Variants in LMO7 observed in about 807,000 individuals in gnomAD.
LMO7 encodes the protein LIM domain only protein 7.
A neutral mutation model predicts 206.5 loss-of-function variants in LMO7; 120 were observed. The ratio of observed to expected loss-of-function variants is 0.58; its 90% CI spans 0.50 to 0.68. LMO7 has a LOEUF of 0.68. LMO7 is among the 30% of genes least tolerant of loss of function. The pLI is 0.00. For missense variants in LMO7, 1,959 were observed against 1,957.9 expected, an observed-to-expected ratio of 1.00 and a Z score of -0.01; for synonymous variants, 706 against 681.5, an observed-to-expected ratio of 1.04 and a Z score of -0.56.
intron 3 of LMO7, among the ~76,000 whole-genome samples, chr13:75,746,436 C>A (rs894287242): frequency 6.6e-6 from 1 of 152,146 alleles, no homozygotes; most frequent in Non-Finnish European, 1.5e-5. Flanking sequence ...GATCAACGGG[C>A]GTGTCCCCAT....
At chr13:75,797,442 G>C (rs539858859) in intron 6 of LMO7, among the ~76,000 whole-genome samples, 1 of 152,166 alleles carries the variant, frequency 6.6e-6, no homozygotes, top group African/African-American at 2.4e-5. Context: ...TGGGAAAAAC[G>C]AATTTCTCTG....
intron 7 of LMO7, among the ~76,000 whole-genome samples, chr13:75,801,605 A>C (rs2054738357): frequency 6.6e-6 from 1 of 152,206 alleles, no homozygotes; most frequent in African/African-American, 2.4e-5. Flanking sequence ...TCCTGTGGCT[A>C]CTGGGTATAG....
rs769016460 is a variant in LMO7, at chr13:75,727,082, C to T, written c.194C>T (p.Thr65Ile). Residue 65 changes from threonine (T) to isoleucine (I), a missense_variant, in exon 3 of 31, where the codon ACA becomes ATA. Coordinates refer to ENST00000377534, the MANE Select transcript of LMO7 (RefSeq NM_001306080.2). Reference protein sequence around the residue: ...GVIKKINRLSTPIAGLDNINV... With the variant: ...GVIKKINRLSIPIAGLDNINV... ...ATTAAGAAGATCAATAGACTGTCTA[C>T]ACCAATAGCAGGATTGGTAAGTAGT... 2 of 1,581,908 alleles carry T rather than the reference C, an allele frequency of 1.3e-6. No homozygotes were observed. Among genetic ancestry groups the T allele is most frequent in the Admixed American group, 1.7e-5 (1 of 59,430 alleles).
chr13:75,802,362 C>A (rs1164674297), intron 7 of LMO7, among the ~76,000 whole-genome samples: 1 of 152,184 alleles, frequency 6.6e-6, no homozygotes, highest in Non-Finnish European at 1.5e-5. Context: ...GGAAATGAAT[C>A]TGAGTATGTG....
At chr13:75,728,465 G>A in intron 3 of LMO7, among the ~76,000 whole-genome samples, 1 of 113,878 alleles carries the variant, frequency 8.8e-6, no homozygotes, top group African/African-American at 4.5e-5. Flanking sequence ...ACTTTTTGAT[G>A]GGGTTGTTTG....
chr13:75,726,577 A>T (rs1594551970), intron 2 of LMO7, among the ~76,000 whole-genome samples: 1 of 152,166 alleles, frequency 6.6e-6, no homozygotes, highest in East Asian at 1.9e-4. Context: ...TCACCTTTTA[A>T]ATGTGGCAAA....
chr13:75,800,626 G>T, intron 6 of LMO7, 58 bp from the exon 7 acceptor site: 1 of 1,482,190 alleles, frequency 6.7e-7, no homozygotes, highest in South Asian at 1.2e-5. Flanking sequence ...ATAACCGATT[G>T]ATTATATTTT....
At chr13:75,708,611 C>T (rs995552710) in intron 1 of LMO7, among the ~76,000 whole-genome samples, 1 of 151,914 alleles carries the variant, frequency 6.6e-6, no homozygotes, top group Non-Finnish European at 1.5e-5. Context: ...CATGTTACAA[C>T]GTTTTCTATA....
At chr13:75,842,373 G>A (rs919081638) in intron 24 of LMO7, among the ~76,000 whole-genome samples, 2 of 152,062 alleles carry the variant, frequency 1.3e-5, no homozygotes, top group Admixed American at 1.3e-4. Flanking sequence ...TCAAATGTTT[G>A]TGTGTCTTGT....
In LMO7 at chr13:75,660,174, A is replaced by G. The variant is rs146484175; in HGVS notation, c.69+23448A>G. Among the ~76,000 whole-genome samples, 76 of 152,336 alleles carry G rather than the reference A, an allele frequency of 5.0e-4. No individual in the cohort carries two copies. The East Asian group carries it at 0.013, about 26-fold the overall frequency. ...TCTAGACGATGTAGGGGCTAGGGAA[A>G]TAGCAGCAATCAAATAGAGAAAAGT... On this transcript the variant is annotated intron_variant, in intron 1 of 30. Coordinates refer to ENST00000377534, the MANE Select transcript of LMO7 (RefSeq NM_001306080.2).
chr13:75,711,379 A>G (rs892749976), intron 1 of LMO7, among the ~76,000 whole-genome samples: 2 of 152,146 alleles, frequency 1.3e-5, no homozygotes, highest in African/African-American at 4.8e-5. Context: ...GAATGGTACC[A>G]GCTCCTCCTT....
intron 3 of LMO7, among the ~76,000 whole-genome samples, chr13:75,751,532 C>T (rs759853858): frequency 3.5e-4 from 54 of 152,126 alleles, no homozygotes; most frequent in Non-Finnish European, 6.2e-4. Context: ...CCAAAGTAAT[C>T]ATGACAAGAG....
intron 1 of LMO7, among the ~76,000 whole-genome samples, chr13:75,648,925 G>C (rs184205491): frequency 3.5e-4 from 53 of 152,322 alleles, no homozygotes; most frequent in African/African-American, 1.1e-3. Flanking sequence ...AGACATGGTG[G>C]ACAGCAAAGC....
At chr13:75,732,343 T>G (rs1213286373) in intron 3 of LMO7, among the ~76,000 whole-genome samples, 9 of 140,134 alleles carry the variant, frequency 6.4e-5, no homozygotes, top group African/African-American at 2.2e-4. Flanking sequence ...CTTTTTTCTC[T>G]AAACTTCCCT....
intron 2 of LMO7, among the ~76,000 whole-genome samples, chr13:75,726,580 G>T (rs1392437972): frequency 1.3e-5 from 2 of 152,004 alleles, no homozygotes; most frequent in African/African-American, 4.8e-5. Context: ...CCTTTTAAAT[G>T]TGGCAAAATA....
At chr13:75,838,275 T>C in intron 20 of LMO7, 79 bp downstream of exon 20, 1 of 1,515,914 alleles carries the variant, frequency 6.6e-7, no homozygotes, top group Admixed American at 1.7e-5. Context: ...TCTGTGGTGC[T>C]GGGCACTGAG....
intron 4 of LMO7, among the ~76,000 whole-genome samples, chr13:75,766,750 A>C (rs960959010): frequency 6.6e-6 from 1 of 152,096 alleles, no homozygotes; most frequent in Non-Finnish European, 1.5e-5. Context: ...GCTTTTCTAG[A>C]GACTTGAAAC....
intron 3 of LMO7, among the ~76,000 whole-genome samples, chr13:75,752,564 C>A (rs75048792): frequency 6.6e-6 from 1 of 152,176 alleles, no homozygotes; most frequent in African/African-American, 2.4e-5. Flanking sequence ...ATCCACCAAG[C>A]GGCCTCCCAT....
At chr13:75,671,594 A>G (rs1030516946) in intron 1 of LMO7, among the ~76,000 whole-genome samples, 2 of 152,164 alleles carry the variant, frequency 1.3e-5, no homozygotes, top group East Asian at 1.9e-4. Context: ...GCCCTCATGA[A>G]GCTGCCATTT....
Sources: allele counts gnomAD v4.1 joint callset (sites outside exome capture counted in the v4.1 genomes callset), GRCh38; gene constraint gnomAD v4.1.1; transcripts MANE v1.5; gene names NCBI Gene and HGNC (gene_info 2026-07-23, HGNC 2026-07-21).